OCLN: variants seen among roughly 807,000 people sequenced by gnomAD.
OCLN encodes phosphatase 1, regulatory subunit 115.
A neutral mutation model predicts 47.9 loss-of-function variants in OCLN; 21 were observed. The observed-to-expected ratio is 0.44, with a 90% CI of 0.31 to 0.63. The LOEUF (loss-of-function observed/expected upper bound fraction) is 0.63. OCLN is among the 30% of genes least tolerant of loss of function. The pLI is 0.08. For missense variants in OCLN, 360 were observed against 571.0 expected (o/e 0.63, Z 3.77); for synonymous variants, 117 against 198.4 (o/e 0.59, Z 3.45).
chr5:69,495,621 T>C (rs950876044), intron 1 of OCLN, among the ~76,000 whole-genome samples: 2 of 152,206 alleles, frequency 1.3e-5, no homozygotes, highest in African/African-American at 4.8e-5. Context: ...ACAATCACTT[T>C]GTGCCAGGGC....
intron 4 of OCLN, among the ~76,000 whole-genome samples, chr5:69,517,312 A>ATT (rs1467318803): frequency 2.4e-5 from 2 of 82,228 alleles, no homozygotes; most frequent in African/African-American, 7.1e-5. Flanking sequence ...ATATATATAT[A>ATT]TATTTTTTTT....
intron 1 of OCLN, among the ~76,000 whole-genome samples, chr5:69,496,102 CT>C (rs375038844): frequency 2.4e-3 from 344 of 143,030 alleles, no homozygotes; most frequent in Middle Eastern, 3.7e-3. Flanking sequence ...ACAACTTAAA[CT>C]TTTTTTTTTT....
At chr5:69,530,925 G>A (rs1267326484) in intron 4 of OCLN, among the ~76,000 whole-genome samples, 1 of 152,214 alleles carries the variant, frequency 6.6e-6, no homozygotes, top group African/African-American at 2.4e-5. Flanking sequence ...CAAACTTGGG[G>A]CTCCCGATTT....
At chr5:69,526,912 A>C (rs1434726271) in intron 4 of OCLN, among the ~76,000 whole-genome samples, 6 of 152,346 alleles carry the variant, frequency 3.9e-5, no homozygotes, top group African/African-American at 1.4e-4. Flanking sequence ...TTCGTGTTAC[A>C]TACATCCCAT....
At chr5:69,549,278 T>C in intron 7 of OCLN, among the ~76,000 whole-genome samples, 1 of 118,674 alleles carries the variant, frequency 8.4e-6, no homozygotes. Context: ...GAGGCGGAGC[T>C]TGCAGTGAGC....
chr5:69,533,252 G>A (rs146120447), intron 4 of OCLN, among the ~76,000 whole-genome samples: 2,092 of 152,080 alleles, frequency 0.014, 24 homozygotes, highest in Non-Finnish European at 0.019. Flanking sequence ...GGAAGAAGCT[G>A]AGGCAAAATT....
rs1446404227 is a variant in OCLN at position 69,512,277 on chromosome 5, T to C, written c.730-1671T>C. ...AAGGGTTCTGAAAGCTTTCGCATGTTTATATGCAGTTGTCTCAGTGTTACT... is the reference window on the plus strand; with the variant it reads ...AAGGGTTCTGAAAGCTTTCGCATGTCTATATGCAGTTGTCTCAGTGTTACT... On this transcript the variant is annotated intron_variant, in intron 3 of 8. Transcript: ENST00000396442. Among the ~76,000 whole-genome samples the C allele has an allele frequency of 3.3e-5, 5 of 152,348 alleles. No homozygotes were observed. In the East Asian group the frequency reaches 9.6e-4, roughly 29 times the overall value.
intron 4 of OCLN, among the ~76,000 whole-genome samples, chr5:69,528,781 G>A (rs1451147746): frequency 6.6e-6 from 1 of 152,110 alleles, no homozygotes; most frequent in Non-Finnish European, 1.5e-5. Flanking sequence ...AAACGAAGTC[G>A]GGTTTGCCTG....
intron 4 of OCLN, among the ~76,000 whole-genome samples, chr5:69,519,310 C>G (rs1286215772): frequency 1.3e-5 from 2 of 152,188 alleles, no homozygotes; most frequent in Non-Finnish European, 2.9e-5. Context: ...GCCCTCCCAC[C>G]TCTCAGAGCA....
chr5:69,499,589 C>CT (rs1158104948), intron 1 of OCLN, among the ~76,000 whole-genome samples: 1 of 151,596 alleles, frequency 6.6e-6, no homozygotes, highest in Non-Finnish European at 1.5e-5. Context: ...TGGTTTTTTT[C>CT]TTTCTTTTTT....
At chr5:69,504,333 T>C in intron 2 of OCLN, 39 bp downstream of exon 2, 1 of 1,225,448 alleles carries the variant, frequency 8.2e-7, no homozygotes, top group Non-Finnish European at 1.2e-6. Flanking sequence ...TTTTAAAAAG[T>C]CTATCACATG....
chr5:69,499,687 C>G (rs1234806648), intron 1 of OCLN, among the ~76,000 whole-genome samples: 1 of 151,998 alleles, frequency 6.6e-6, no homozygotes, highest in Non-Finnish European at 1.5e-5. Context: ...TGGATTCAAG[C>G]GATTCTCCTG....
intron 4 of OCLN, among the ~76,000 whole-genome samples, chr5:69,529,231 C>T (rs1769364668): frequency 6.6e-6 from 1 of 152,156 alleles, no homozygotes; most frequent in African/African-American, 2.4e-5. Context: ...CTGAGCTGCT[C>T]TAAAGGAGAG....
At chr5:69,507,342 C>T (rs1448337432) in intron 2 of OCLN, among the ~76,000 whole-genome samples, 1 of 152,154 alleles carries the variant, frequency 6.6e-6, no homozygotes, top group Non-Finnish European at 1.5e-5. Flanking sequence ...GCCATGTTGG[C>T]CAGGCTGGTC....
chr5:69,515,330 G>A (rs1768908161), intron 4 of OCLN, among the ~76,000 whole-genome samples: 1 of 137,670 alleles, frequency 7.3e-6, no homozygotes. Flanking sequence ...GGGCAGAGGG[G>A]CTCCTCACTT....
At chr5:69,501,441 G>A (rs1300273067) in intron 1 of OCLN, among the ~76,000 whole-genome samples, 2 of 151,992 alleles carry the variant, frequency 1.3e-5, no homozygotes, top group African/African-American at 4.8e-5. Flanking sequence ...ACCAGCCTGG[G>A]CAACATGGTG....
intron 1 of OCLN, among the ~76,000 whole-genome samples, chr5:69,498,036 G>A (rs1768348770): frequency 1.3e-5 from 2 of 151,700 alleles, no homozygotes; most frequent in African/African-American, 4.8e-5. Context: ...GGAGGCTGAG[G>A]CAGGAGAATG....
chr5:69,518,755 TC>T (rs1438080364), intron 4 of OCLN, among the ~76,000 whole-genome samples: 1 of 152,186 alleles, frequency 6.6e-6, no homozygotes, highest in Non-Finnish European at 1.5e-5. Flanking sequence ...TGGATGAGAA[TC>T]TAGAATTAAC....
chr5:69,523,625 TC>T (rs1369365100), intron 4 of OCLN, among the ~76,000 whole-genome samples: 1 of 150,526 alleles, frequency 6.6e-6, no homozygotes, highest in Non-Finnish European at 1.5e-5. Flanking sequence ...AACCTCCACC[TC>T]CCGGGTTCAA....
Sources: allele counts gnomAD v4.1 joint callset (sites outside exome capture counted in the v4.1 genomes callset), GRCh38; gene constraint gnomAD v4.1.1; transcripts MANE v1.5; gene names NCBI Gene and HGNC (gene_info 2026-07-23, HGNC 2026-07-21).